HOMER1: variants seen among roughly 807,000 people sequenced by gnomAD.
HOMER1 encodes the protein homer protein homolog 1.
Under a neutral mutation model 48.9 loss-of-function variants are expected in HOMER1, and 3 were observed. The observed-to-expected ratio is 0.06, with a 90% CI of 0.03 to 0.16. The LOEUF is 0.16. HOMER1 is among the 10% of genes least tolerant of loss of function. The pLI is 1.00. For synonymous variants in HOMER1, 134 were observed against 146.4 expected, an observed-to-expected ratio of 0.92 and a Z score of 0.61; for missense variants, 247 against 411.4, an observed-to-expected ratio of 0.60 and a Z score of 3.46.
chr5:79,495,812 C>T (rs1056317849), intron 1 of HOMER1, among the ~76,000 whole-genome samples: 8 of 152,154 alleles, frequency 5.3e-5, no homozygotes, highest in African/African-American at 1.9e-4. Context: ...CCGCCAAATT[C>T]CAATCAATTA....
intron 5 of HOMER1, among the ~76,000 whole-genome samples, chr5:79,410,553 T>A (rs1289281852): frequency 1.3e-5 from 2 of 151,852 alleles, no homozygotes; most frequent in East Asian, 3.9e-4. Context: ...TTGATTTTTG[T>A]CAATCTTCCC....
At chr5:79,461,673 T>C (rs1409164009) in intron 1 of HOMER1, among the ~76,000 whole-genome samples, 1 of 152,192 alleles carries the variant, frequency 6.6e-6, no homozygotes, top group African/African-American at 2.4e-5. Context: ...TTTATGGCTA[T>C]GAGAATCAAA....
At chr5:79,425,513 T>C (rs1024574047) in intron 5 of HOMER1, among the ~76,000 whole-genome samples, 1 of 152,062 alleles carries the variant, frequency 6.6e-6, no homozygotes, top group African/African-American at 2.4e-5. Flanking sequence ...CTAGTATTAG[T>C]TCAAGGCTGA....
intron 1 of HOMER1, among the ~76,000 whole-genome samples, chr5:79,481,573 A>C (rs1268858101): frequency 1.3e-5 from 2 of 152,244 alleles, no homozygotes; most frequent in Admixed American, 6.5e-5. Flanking sequence ...CAGAAAAAGC[A>C]CTTGAAATCT....
chr5:79,452,103 C>A (rs77938134), intron 2 of HOMER1, among the ~76,000 whole-genome samples: 22 of 152,106 alleles, frequency 1.4e-4, no homozygotes, highest in Non-Finnish European at 2.9e-5. Context: ...CCTGCATATA[C>A]GAGGTCAACT....
chr5:79,470,360 A>G (rs898259904), intron 1 of HOMER1, among the ~76,000 whole-genome samples: 2 of 152,220 alleles, frequency 1.3e-5, no homozygotes, highest in Admixed American at 6.5e-5. Flanking sequence ...GTATTTATAT[A>G]TGCTTGTCAC....
At chr5:79,381,511 C>T (rs573387265) in intron 8 of HOMER1, among the ~76,000 whole-genome samples, 11 of 152,256 alleles carry the variant, frequency 7.2e-5, no homozygotes, top group Admixed American at 2.0e-4. Flanking sequence ...CCAATCAAAA[C>T]GAAATTCATA....
intron 2 of HOMER1, among the ~76,000 whole-genome samples, chr5:79,452,934 G>A (rs1751068904): frequency 1.3e-5 from 2 of 151,764 alleles, no homozygotes; most frequent in African/African-American, 4.8e-5. Context: ...GTCATCAAAT[G>A]AAAGACTAAA....
intron 1 of HOMER1, among the ~76,000 whole-genome samples, chr5:79,468,097 AAC>A (rs1751526919): frequency 6.6e-6 from 1 of 152,310 alleles, no homozygotes; most frequent in South Asian, 2.1e-4. Context: ...ACTGCCACAT[AAC>A]AATACATGTT....
intron 1 of HOMER1, among the ~76,000 whole-genome samples, chr5:79,485,439 T>C (rs1752071085): frequency 6.6e-6 from 1 of 152,222 alleles, no homozygotes; most frequent in Admixed American, 6.5e-5. Flanking sequence ...GCATGAACTT[T>C]AAGGAGTTAA....
At chr5:79,397,784 G>GTA (rs1308536183) in intron 6 of HOMER1, 147 bp from the exon 7 acceptor site, 2 of 455,810 alleles carry the variant, frequency 4.4e-6, no homozygotes, top group Non-Finnish European at 7.6e-6. Flanking sequence ...TCAAGGTAGA[G>GTA]TGAATAGATT....
chr5:79,450,288 T>C (rs1259825182), intron 3 of HOMER1, among the ~76,000 whole-genome samples: 1 of 152,222 alleles, frequency 6.6e-6, no homozygotes, highest in South Asian at 2.1e-4. Context: ...GATCACTTAG[T>C]ATACTGAGAT....
intron 1 of HOMER1, among the ~76,000 whole-genome samples, chr5:79,493,334 C>T (rs1314291906): frequency 6.6e-6 from 1 of 152,140 alleles, no homozygotes; most frequent in Non-Finnish European, 1.5e-5. Flanking sequence ...GACCTTTAAG[C>T]TCCTCAGCAC....
rs959061542 is a variant in HOMER1 at position 79,397,648 on chromosome 5, A to T, written c.685-11T>A. 3 of 1,498,296 alleles carry T rather than the reference A, an allele frequency of 2.0e-6. No individual in the cohort carries two copies. In the African/African-American group the frequency reaches 4.2e-5, roughly 21 times the overall value. 92.8% of individuals were successfully genotyped at this position (1,498,296 alleles called of 1,614,324 possible). ...TTCAAGTTCAGTCACCTAAAATTAA[A>T]TGAGAACACAGATTAACTTAAATTT... is the stretch of plus-strand genomic sequence containing the variant. On this transcript the variant is annotated splice_polypyrimidine_tract_variant and intron_variant, in intron 6 of 8. Coordinates refer to ENST00000334082, the MANE Select transcript of HOMER1 (RefSeq NM_004272.5).
chr5:79,466,863 C>G (rs992084507), intron 1 of HOMER1, among the ~76,000 whole-genome samples: 2 of 151,974 alleles, frequency 1.3e-5, no homozygotes, highest in African/African-American at 4.8e-5. Context: ...ACAATCTCGG[C>G]TCACTGCAAC....
chr5:79,473,157 T>C (rs1208328061), intron 1 of HOMER1, among the ~76,000 whole-genome samples: 1 of 152,190 alleles, frequency 6.6e-6, no homozygotes, highest in African/African-American at 2.4e-5. Context: ...ACTAAACAAG[T>C]ACAGATAAAT....
chr5:79,399,565 G>T (rs553004844), intron 6 of HOMER1, among the ~76,000 whole-genome samples: 2 of 152,258 alleles, frequency 1.3e-5, no homozygotes, highest in East Asian at 3.9e-4. Flanking sequence ...TTACCCTAGG[G>T]TTACAGCAAA....
At chr5:79,383,909 T>A (rs1052326917) in intron 8 of HOMER1, among the ~76,000 whole-genome samples, 1 of 152,100 alleles carries the variant, frequency 6.6e-6, no homozygotes, top group Non-Finnish European at 1.5e-5. Flanking sequence ...TGAGCAACCA[T>A]TGGGTCAATG....
At chr5:79,382,800 C>G (rs746726243) in intron 8 of HOMER1, among the ~76,000 whole-genome samples, 1 of 152,006 alleles carries the variant, frequency 6.6e-6, no homozygotes, top group Non-Finnish European at 1.5e-5. Context: ...ATCACAATGA[C>G]GAACAATAGG....
Sources: gnomAD v4.1 joint callset for allele counts (sites outside exome capture counted in the v4.1 genomes callset) on GRCh38, gnomAD v4.1.1 for gene constraint, MANE v1.5 for transcripts, NCBI Gene and HGNC (gene_info 2026-07-23, HGNC 2026-07-21) for gene names.